Variants in WWOX observed in about 807,000 individuals in gnomAD.
WWOX encodes WW domain containing oxidoreductase, also known as WW domain-containing oxidoreductase.
A neutral mutation model predicts 46.2 loss-of-function variants in WWOX; 69 were observed. The ratio of observed to expected loss-of-function variants is 1.49; its 90% CI spans 1.23 to 1.82. The LOEUF (loss-of-function observed/expected upper bound fraction) is 1.82. Ranked by LOEUF, WWOX falls within the 40% of genes most tolerant of loss-of-function variation. The pLI, the probability that WWOX is intolerant of heterozygous loss-of-function variation, is 0.00. For missense variants in WWOX, 919 were observed against 542.6 expected, an observed-to-expected ratio of 1.69 and a Z score of -6.89; for synonymous variants, 359 against 202.6, an observed-to-expected ratio of 1.77 and a Z score of -6.56.
intron 1 of WWOX, chr16:78,100,344 C>T (rs1044576757): frequency 2.7e-6 from 2 of 731,740 alleles, no homozygotes; most frequent in Non-Finnish European, 3.5e-6. Context: ...CCTCTACCTA[C>T]TGGGTTCAGA....
intron 5 of WWOX, among the ~76,000 whole-genome samples, chr16:78,305,626 G>C (rs764095557): frequency 4.0e-5 from 6 of 151,368 alleles, no homozygotes; most frequent in Non-Finnish European, 5.9e-5. Context: ...TTGAACATAG[G>C]AGCACTTTAA....
At chr16:78,946,665 T>C (rs1055705716) in intron 8 of WWOX, among the ~76,000 whole-genome samples, 1 of 152,164 alleles carries the variant, frequency 6.6e-6, no homozygotes, top group African/African-American at 2.4e-5. Context: ...ATGTCTCCAC[T>C]CTGCAGACAT....
chr16:78,359,806 A>G (rs1479468021), intron 5 of WWOX, among the ~76,000 whole-genome samples: 1 of 152,216 alleles, frequency 6.6e-6, no homozygotes, highest in African/African-American at 2.4e-5. Context: ...TGCCATTCCC[A>G]TCTGGGATGA....
chr16:78,527,046 C>G (rs1019500004), intron 8 of WWOX, among the ~76,000 whole-genome samples: 1 of 152,138 alleles, frequency 6.6e-6, no homozygotes, highest in South Asian at 2.1e-4. Context: ...CACCTGTAAT[C>G]CCTGCTACAC....
At chr16:79,160,250 C>G (rs2050459316) in intron 8 of WWOX, among the ~76,000 whole-genome samples, 1 of 152,122 alleles carries the variant, frequency 6.6e-6, no homozygotes, top group African/African-American at 2.4e-5. Context: ...ATAGACATCC[C>G]TGGTCCACAG....
intron 8 of WWOX, among the ~76,000 whole-genome samples, chr16:78,926,492 T>A (rs1467337679): frequency 6.6e-6 from 1 of 152,210 alleles, no homozygotes; most frequent in Non-Finnish European, 1.5e-5. Context: ...TCTCCATCCT[T>A]GTCTTTGAGG....
At chr16:78,680,202 G>C (rs536806336) in intron 8 of WWOX, among the ~76,000 whole-genome samples, 2 of 152,292 alleles carry the variant, frequency 1.3e-5, no homozygotes, top group South Asian at 2.1e-4. Flanking sequence ...TTGAGCCCAG[G>C]AGTTCGAGAC....
intron 8 of WWOX, among the ~76,000 whole-genome samples, chr16:78,936,621 G>A (rs1295901042): frequency 1.3e-5 from 2 of 152,150 alleles, no homozygotes; most frequent in East Asian, 3.9e-4. Context: ...CCACAGGCTG[G>A]ATGGGTTTTG....
chr16:78,582,389 C>G (rs1257777898), intron 8 of WWOX, among the ~76,000 whole-genome samples: 1 of 152,102 alleles, frequency 6.6e-6, no homozygotes, highest in Non-Finnish European at 1.5e-5. Flanking sequence ...GTATTTCTTA[C>G]AAAGTGGGAG....
At chr16:78,728,055 CTTTTTTTTTTTTTTTT>C (rs758484198) in intron 8 of WWOX, among the ~76,000 whole-genome samples, 7 of 86,806 alleles carry the variant, frequency 8.1e-5, no homozygotes. Flanking sequence ...TCCCTCCTTC[CTTTTTTTTTTTTTTTT>C]TTTTTTTTTT....
chr16:78,111,333 C>A (rs531425108), intron 3 of WWOX, among the ~76,000 whole-genome samples: 2 of 152,230 alleles, frequency 1.3e-5, no homozygotes, highest in Non-Finnish European at 2.9e-5. Context: ...TCAATCATTA[C>A]TATAAACACT....
intron 5 of WWOX, among the ~76,000 whole-genome samples, chr16:78,356,665 G>A (rs1282079827): frequency 1.3e-5 from 2 of 152,122 alleles, no homozygotes; most frequent in South Asian, 4.1e-4. Flanking sequence ...AGTGGATCAC[G>A]AGGTCAGCAG....
chr16:78,215,532 G>T (rs1302897039), intron 5 of WWOX, among the ~76,000 whole-genome samples: 1 of 152,150 alleles, frequency 6.6e-6, no homozygotes, highest in Non-Finnish European at 1.5e-5. Context: ...ATGATTGTAA[G>T]TTTCCTGAGG....
chr16:78,886,669 A>G (rs1252592829), intron 8 of WWOX, among the ~76,000 whole-genome samples: 1 of 147,660 alleles, frequency 6.8e-6, no homozygotes, highest in Non-Finnish European at 1.5e-5. Context: ...TAAAATATAT[A>G]TATGAAGGGA....
intron 8 of WWOX, among the ~76,000 whole-genome samples, chr16:78,978,536 AC>A (rs1394395582): frequency 3.9e-5 from 6 of 152,166 alleles, no homozygotes; most frequent in African/African-American, 1.4e-4. Flanking sequence ...AATGCCTGAG[AC>A]TGGGTAATGG....
chr16:78,997,389 C>G lies in WWOX; in HGVS notation c.1057-214219C>G, dbSNP rs114501982. Among the ~76,000 whole-genome samples the G allele has an allele frequency of 3.9e-3, 601 of 152,236 alleles. 5 individuals are homozygous for G. Among genetic ancestry groups the G allele is most frequent in the African/African-American group, 0.014 (570 of 41,542 alleles). On this transcript the variant is annotated intron_variant, in intron 8 of 8. Coordinates refer to ENST00000566780, the MANE Select transcript of WWOX (RefSeq NM_016373.4). ...TGGCTTGGGTCTGTTTCTATTCTTA[C>G]CACGGTGACACGCAAAAGAATTTTT...
chr16:79,161,831 C>T (rs183687556), intron 8 of WWOX, among the ~76,000 whole-genome samples: 183 of 152,298 alleles, frequency 1.2e-3, no homozygotes, highest in Non-Finnish European at 1.9e-3. Context: ...GATTTTTTCA[C>T]TTTAAGAAAT....
intron 1 of WWOX, among the ~76,000 whole-genome samples, chr16:78,101,818 A>T (rs558985933): frequency 6.6e-6 from 1 of 152,224 alleles, no homozygotes; most frequent in Non-Finnish European, 1.5e-5. Flanking sequence ...TTTGGCTGGC[A>T]CTGGTTATAC....
At chr16:78,738,794 T>C (rs13336215) in intron 8 of WWOX, among the ~76,000 whole-genome samples, 22,765 of 152,084 alleles carry the variant, frequency 0.15, 2,084 homozygotes, top group African/African-American at 0.25. Flanking sequence ...AGCCATTGCC[T>C]TGACCACAAA....
Sources: gnomAD v4.1 joint callset for allele counts (sites outside exome capture counted in the v4.1 genomes callset) on GRCh38, gnomAD v4.1.1 for gene constraint, MANE v1.5 for transcripts, NCBI Gene and HGNC (gene_info 2026-07-23, HGNC 2026-07-21) for gene names.